C1orf35: variants seen among roughly 807,000 people sequenced by gnomAD.
C1orf35 encodes chromosome 1 open reading frame 35, also known as multiple myeloma tumor-associated protein 2.
Under a neutral mutation model 30.9 loss-of-function variants are expected in C1orf35, and 36 were observed. The observed-to-expected ratio is 1.16, with a 90% CI of 0.89 to 1.54. The LOEUF (loss-of-function observed/expected upper bound fraction) is 1.54, where lower values mean the gene tolerates loss of function less well. C1orf35 is among the 40% of genes most tolerant of loss of function. The probability of loss-of-function intolerance (pLI) is 0.00; values close to 1 mark genes in which losing one functional copy is unlikely to be tolerated. For synonymous variants in C1orf35, 179 were observed against 148.2 expected (o/e 1.21, Z -1.51); for missense variants, 396 against 358.7 (o/e 1.10, Z -0.84).
intron 5 of C1orf35, 32 bp downstream of exon 5, chr1:228,102,278 C>A: frequency 6.2e-7 from 1 of 1,606,038 alleles, no homozygotes; most frequent in Non-Finnish European, 8.5e-7. Flanking sequence ...CCCTGTTAGC[C>A]CCTGCTGCGG....
chr1:228,101,329 C>G lies in C1orf35; in HGVS notation c.668+10G>C. The G allele has an allele frequency of 1.2e-6, 2 of 1,614,166 alleles. No homozygotes were observed. The highest frequency in any genetic ancestry group is 1.7e-6 in the Non-Finnish European group (2 of 1,180,028). On this transcript the variant is annotated intron_variant, in intron 7 of 7. Transcript: ENST00000272139. ...CCACCCCCAAGAGGCAGATATGGACCAGGGCATACCTCTCAGGAGATGTGG... is the reference window on the plus strand; with the variant it reads ...CCACCCCCAAGAGGCAGATATGGACGAGGGCATACCTCTCAGGAGATGTGG...
chr1:228,102,312 T>C lies in C1orf35; in HGVS notation c.445A>G (p.Thr149Ala). The C allele has an allele frequency of 6.2e-7, 1 of 1,611,098 alleles. No homozygotes were observed. Among genetic ancestry groups the C allele is most frequent in the African/African-American group, 1.3e-5 (1 of 74,880 alleles). Residue 149 changes from threonine to alanine, a missense_variant and splice_region_variant, in exon 5 of 8, where the codon ACG becomes GCG. Thr to Ala is a moderately conservative substitution (Grantham distance 58). Coordinates refer to ENST00000272139, the MANE Select transcript of C1orf35 (RefSeq NM_024319.4). ...GGTCAGGCGGGGCGGGGGATTACCG[T>C]GAACACAGACAGCCCCAGTTTGGCG... ...EAAKLGLSVF[T>A]HHRVESGGPG...
At position 228,103,282 on chromosome 1, in the gene C1orf35, C is replaced by G; in HGVS notation, c.-55G>C. ...GCGGCTTGCAACCTGCAACCCGCAA[C>G]CCGAGACCCGCTACCCACTACCGTC... On this transcript the variant is annotated 5_prime_UTR_variant, in exon 1 of 8. Transcript: ENST00000272139. 3 of 1,583,512 alleles carry G rather than the reference C, an allele frequency of 1.9e-6. No homozygotes were observed. The highest frequency in any genetic ancestry group is 1.1e-5 in the South Asian group (1 of 88,500).
chr1:228,102,195 T>C, intron 5 of C1orf35, 30 bp from the exon 6 acceptor site: 5 of 1,566,416 alleles, frequency 3.2e-6, no homozygotes, highest in Non-Finnish European at 4.3e-6. Flanking sequence ...TGCGGAGGAG[T>C]CTGCGGGCCG....
chr1:228,101,936 A>G lies in C1orf35; in HGVS notation c.533+144T>C, dbSNP rs548304092. The G allele has an allele frequency of 1.1e-5, 16 of 1,425,354 alleles. No individual in the cohort carries two copies. In the African/African-American group the frequency reaches 2.2e-4, roughly 19 times the overall value. 88.3% of individuals were successfully genotyped at this position (1,425,354 alleles called of 1,614,324 possible). ...TCCCCTAGAGAAAAACCTAGGAGTA[A>G]CTGGGACAGGAAGTAAAGTAGGGCA... On this transcript the variant is annotated intron_variant, in intron 6 of 7. Transcript: ENST00000272139.
Position 228,103,170 on chromosome 1 carries a change from C to G in C1orf35, c.58G>C (p.Asp20His). ...TCCCGCTGCTTGTCAGTCTTCACGT[C>G]CTCCCAGTTGAACTGGTCCTGCCCG... ...RGGQDQFNWE[D>H]VKTDKQRENY... Residue 20 changes from aspartate to histidine, a missense_variant, in exon 1 of 8, where the codon GAC becomes CAC. Coordinates refer to ENST00000272139, the MANE Select transcript of C1orf35 (RefSeq NM_024319.4). 6.2e-7 allele frequency: 1 copy of G among 1,612,036 alleles called. No individual in the cohort carries two copies. The highest frequency in any genetic ancestry group is 1.3e-5 in the African/African-American group (1 of 74,888).
Position 228,101,027 on chromosome 1 carries a change from C to T in C1orf35, c.*104G>A, listed in dbSNP as rs2032928745. ...GTGCCCAGAGCCACTTCCACAGGAGCAGCCTCGGGCTTCACCCACACCCAA... is the reference window on the plus strand; with the variant it reads ...GTGCCCAGAGCCACTTCCACAGGAGTAGCCTCGGGCTTCACCCACACCCAA... On this transcript the variant is annotated 3_prime_UTR_variant, in exon 8 of 8. Coordinates refer to ENST00000272139, the MANE Select transcript of C1orf35 (RefSeq NM_024319.4). 1.3e-6 allele frequency: 2 copies of T among 1,521,818 alleles called. No homozygotes were observed. The highest frequency in any genetic ancestry group is 2.4e-5 in the South Asian group (2 of 84,182). The allele number at this position is 1,521,818 out of a possible 1,614,324, so 94.3% of individuals were successfully genotyped here.
At chr1:228,101,646 T>TAACTGA in intron 6 of C1orf35, 173 bp from the exon 7 acceptor site, 2 of 1,464,380 alleles carry the variant, frequency 1.4e-6, no homozygotes, top group Non-Finnish European at 1.8e-6. Flanking sequence ...AGTGGCTACG[T>TAACTGA]GGGTTAGAAA....
chr1:228,102,608 C>A (rs947959471), intron 3 of C1orf35, 35 bp downstream of exon 3: 1 of 1,587,372 alleles, frequency 6.3e-7, no homozygotes, highest in African/African-American at 1.3e-5. Flanking sequence ...CCCACACCCA[C>A]GGCCCTCCAC....
In C1orf35 at chr1:228,102,377, G is replaced by A; in HGVS notation, c.380C>T (p.Ser127Phe). ...RLLGLGSASG[S>F]VGRVAMSRED... is the part of the protein sequence containing the mutation. ...TCGGGACATCGCCACGCGGCCCACG[G>A]AGCCACTGCAGGGACATGGCGATGA... is the stretch of plus-strand genomic sequence containing the variant. Residue 127 changes from serine (S) to phenylalanine (F), a missense_variant, in exon 5 of 8, where the codon TCC becomes TTC. Ser to Phe is a radical substitution (Grantham distance 155). Coordinates refer to ENST00000272139, the MANE Select transcript of C1orf35 (RefSeq NM_024319.4). 1 of 1,610,648 alleles carries A rather than the reference G, an allele frequency of 6.2e-7. No homozygotes were observed. The highest frequency in any genetic ancestry group is 1.7e-5 in the Admixed American group (1 of 59,926).
chr1:228,102,035 A>T, intron 6 of C1orf35, 45 bp downstream of exon 6: 2 of 1,478,018 alleles, frequency 1.4e-6, no homozygotes, highest in Non-Finnish European at 1.8e-6. Flanking sequence ...TCCTCCCGAG[A>T]CCCCCCACCC....
rs1261371984 is a variant in C1orf35, at chr1:228,102,121, CG to C, written c.491del (p.Ser164TrpfsTer113). On this transcript the variant is annotated frameshift_variant, in exon 6 of 8. Transcript: ENST00000272139. LOFTEE classifies it high-confidence loss of function. ...CCTCCGCCCGCGGCTTCCTCCTGGCCGAGGCTGCCGAGGTCCCGGGCCCGCC... is the reference window on the plus strand; with the variant it reads ...CCTCCGCCCGCGGCTTCCTCCTGGCCAGGCTGCCGAGGTCCCGGGCCCGCC... ...ESGGPGTSAA[S>X]ARRKPRAEDQ... The C allele has an allele frequency of 1.3e-5, 21 of 1,575,200 alleles. No individual in the cohort carries two copies. The highest frequency in any genetic ancestry group is 1.7e-5 in the Non-Finnish European group (20 of 1,169,022).
rs754273844 is a variant in C1orf35, at chr1:228,102,692, C to G, written c.246-4G>C. Reference sequence around the variant, plus strand: ...CTTCTTCACGTTCTTGTAGCCACTGCGAGAGGGCCGGGGCAGGCGTCAGGA... The same window carrying G: ...CTTCTTCACGTTCTTGTAGCCACTGGGAGAGGGCCGGGGCAGGCGTCAGGA... On this transcript the variant is annotated splice_polypyrimidine_tract_variant and splice_region_variant and intron_variant, in intron 2 of 7. Coordinates refer to ENST00000272139, the MANE Select transcript of C1orf35 (RefSeq NM_024319.4). 55 of 1,605,834 alleles carry G rather than the reference C, an allele frequency of 3.4e-5. No individual in the cohort carries two copies. The Admixed American group carries it at 9.2e-4, about 27-fold the overall frequency.
intron 6 of C1orf35, 177 bp downstream of exon 6, chr1:228,101,903 C>A: frequency 7.0e-7 from 1 of 1,421,216 alleles, no homozygotes; most frequent in East Asian, 2.6e-5. Flanking sequence ...AAGGGTGACC[C>A]GAGAAACTCC....
At chr1:228,102,044 C>G (rs757597518) in intron 6 of C1orf35, 36 bp downstream of exon 6, 1 of 1,507,196 alleles carries the variant, frequency 6.6e-7, no homozygotes, top group Non-Finnish European at 8.8e-7. Context: ...GACCCCCCAC[C>G]CCGGGGCACA....
chr1:228,101,329 C>A lies in C1orf35; in HGVS notation c.668+10G>T, dbSNP rs1245504661. The A allele has an allele frequency of 2.5e-6, 4 of 1,614,048 alleles. No individual in the cohort carries two copies. Among genetic ancestry groups the A allele is most frequent in the Non-Finnish European group, 3.4e-6 (4 of 1,180,036 alleles). ...CCACCCCCAAGAGGCAGATATGGAC[C>A]AGGGCATACCTCTCAGGAGATGTGG... is the stretch of plus-strand genomic sequence containing the variant. On this transcript the variant is annotated intron_variant, in intron 7 of 7. Transcript: ENST00000272139.
At position 228,103,305 on chromosome 1, in the gene C1orf35, G is replaced by T. The variant is rs1386586891; in HGVS notation, c.-78C>A. The stretch of plus-strand genomic sequence containing the variant: ...AACCCGAGACCCGCTACCCACTACC[G>T]TCGGACCCAGGCCCGACCCCGCCTC... On this transcript the variant is annotated 5_prime_UTR_variant, in exon 1 of 8. Coordinates refer to ENST00000272139, the MANE Select transcript of C1orf35 (RefSeq NM_024319.4). 14 of 1,522,918 alleles carry T rather than the reference G, an allele frequency of 9.2e-6. No individual in the cohort carries two copies. The highest frequency in any genetic ancestry group is 1.1e-5 in the Non-Finnish European group (12 of 1,128,408). 94.3% of individuals were successfully genotyped at this position (1,522,918 alleles called of 1,614,324 possible).
intron 6 of C1orf35, 48 bp downstream of exon 6, chr1:228,102,032 G>A: frequency 6.8e-7 from 1 of 1,477,982 alleles, no homozygotes; most frequent in Non-Finnish European, 9.0e-7. Context: ...CGGTCCTCCC[G>A]AGACCCCCCA....
In C1orf35 at chr1:228,102,393, A is replaced by G. The variant is rs747586817; in HGVS notation, c.375-11T>C. 1.2e-5 allele frequency: 19 copies of G among 1,608,994 alleles called. No homozygotes were observed. The highest frequency in any genetic ancestry group is 3.3e-5 in the Admixed American group (2 of 59,798). On this transcript the variant is annotated splice_polypyrimidine_tract_variant and intron_variant, in intron 4 of 7. Coordinates refer to ENST00000272139, the MANE Select transcript of C1orf35 (RefSeq NM_024319.4). ...CGGCCCACGGAGCCACTGCAGGGAC[A>G]TGGCGATGAAGACAGTACGGCAGGG...
Sources: gnomAD v4.1 joint callset for allele counts on GRCh38, gnomAD v4.1.1 for gene constraint, MANE v1.5 for transcripts, NCBI Gene and HGNC (gene_info 2026-07-23, HGNC 2026-07-21) for gene names.